The following ABCB5 variants were observed in gnomAD, a reference collection of about 807,000 sequenced individuals.
The protein encoded by ABCB5 is ATP-binding cassette sub-family B member 5.
Under a neutral mutation model 144.2 loss-of-function variants are expected in ABCB5, and 155 were observed. The ratio of observed to expected loss-of-function variants is 1.08; its 90% CI spans 0.94 to 1.23. The LOEUF is 1.23. ABCB5 is among the 50% of genes most tolerant of loss of function. The pLI is 0.00. For missense variants in ABCB5, 1,830 were observed against 1,520.8 expected (o/e 1.20, Z -3.38); for synonymous variants, 610 against 528.6 (o/e 1.15, Z -2.11).
chr7:20,651,602 T>C lies in ABCB5; in HGVS notation c.1515T>C (p.Asp505=). The C allele has an allele frequency of 6.2e-7, 1 of 1,614,082 alleles. No homozygotes were observed. Among genetic ancestry groups the C allele is most frequent in the Non-Finnish European group, 8.5e-7 (1 of 1,179,972 alleles). Residue 505 remains aspartate (D), a synonymous_variant, in exon 13 of 28, where the codon GAT becomes GAC. Transcript: ENST00000404938. The part of the protein sequence containing the change: ...ERAAREANAY[D]FIMEFPNKFN... The stretch of plus-strand genomic sequence containing the variant: ...CAGCAAGGGAAGCAAATGCGTATGA[T>C]TTTATCATGGAGTTTCCTAATGTGA...
chr7:20,721,732 A>G (rs1175671510), intron 20 of ABCB5, among the ~76,000 whole-genome samples: 1 of 152,210 alleles, frequency 6.6e-6, no homozygotes, highest in Non-Finnish European at 1.5e-5. Flanking sequence ...ATATACAAAA[A>G]TCTCATTTTT....
At position 20,711,854 on chromosome 7, in the gene ABCB5, TTTCTTTCC is replaced by T. The variant is rs1273213018; in HGVS notation, c.2421+7051_2421+7058del. On this transcript the variant is annotated intron_variant, in intron 20 of 27. Transcript: ENST00000404938. ...TTTCTTTCTTTCTTTCTTTTCTTTC[TTTCTTTCC>T]TTCCTCCCTCCCTCCCTCCCTCCCT... Among the ~76,000 whole-genome samples the T allele has an allele frequency of 3.9e-3, 293 of 75,196 alleles. 43 individuals are homozygous for T. Among genetic ancestry groups the T allele is most frequent in the African/African-American group, 0.015 (261 of 17,616 alleles). 49.3% of individuals were successfully genotyped at this position (75,196 alleles called of 152,430 possible).
chr7:20,643,590 C>A lies in ABCB5; in HGVS notation c.636C>A (p.Ser212=), dbSNP rs1477429166. The change falls in exon 7 of 28, where the codon TCC becomes TCA. Residue 212 remains serine, a synonymous_variant. Coordinates refer to ENST00000404938, the MANE Select transcript of ABCB5 (RefSeq NM_001163941.2). ...KGWKLTLVTL[S]TSPLIMASAA... is the part of the protein sequence containing the mutation. ...GGAAACTCACCCTAGTGACTCTATCCACGTCTCCTCTTATAATGGCTTCAG... is the reference window on the plus strand; with the variant it reads ...GGAAACTCACCCTAGTGACTCTATCAACGTCTCCTCTTATAATGGCTTCAG... 6.2e-7 allele frequency: 1 copy of A among 1,613,926 alleles called. No homozygotes were observed. The highest frequency in any genetic ancestry group is 8.5e-7 in the Non-Finnish European group (1 of 1,179,882).
In ABCB5 at chr7:20,738,549, C is replaced by T. The variant is rs146634903; in HGVS notation, c.2868-434C>T. On this transcript the variant is annotated intron_variant, in intron 23 of 27. Coordinates refer to ENST00000404938, the MANE Select transcript of ABCB5 (RefSeq NM_001163941.2). The stretch of plus-strand genomic sequence containing the variant: ...AGTCATTTAGCTTCAGTTATCTGTC[C>T]TAACTACATTATATGCAAAACAAAC... Among the ~76,000 whole-genome samples the T allele has an allele frequency of 9.7e-3, 1,470 of 152,230 alleles. 14 individuals carry two copies. The highest frequency in any genetic ancestry group is 0.031 in the Middle Eastern group (9 of 294).
At chr7:20,734,469 A>T (rs1782321337) in intron 23 of ABCB5, among the ~76,000 whole-genome samples, 1 of 150,642 alleles carries the variant, frequency 6.6e-6, no homozygotes, top group East Asian at 1.9e-4. Context: ...CATTTTATCA[A>T]ACATTCCAGA....
intron 5 of ABCB5, among the ~76,000 whole-genome samples, chr7:20,634,656 G>C (rs908406908): frequency 1.3e-5 from 2 of 152,226 alleles, no homozygotes; most frequent in African/African-American, 4.8e-5. Context: ...TACTGAGGTT[G>C]AGCATTTTTT....
At chr7:20,720,672 G>A (rs549221904) in intron 20 of ABCB5, among the ~76,000 whole-genome samples, 12 of 152,108 alleles carry the variant, frequency 7.9e-5, no homozygotes, top group African/African-American at 1.7e-4. Flanking sequence ...GAGGCCAGGC[G>A]CGGTGGCTCA....
intron 3 of ABCB5, 65 bp downstream of exon 3, chr7:20,626,676 G>A: frequency 7.6e-7 from 1 of 1,319,330 alleles, no homozygotes. Flanking sequence ...GTAGTGCATA[G>A]AAGATTGTGT....
chr7:20,644,404 T>C (rs1029562826), intron 7 of ABCB5, among the ~76,000 whole-genome samples: 2 of 152,202 alleles, frequency 1.3e-5, no homozygotes, highest in Non-Finnish European at 2.9e-5. Context: ...AGTAAGGCTT[T>C]CAATTACATT....
chr7:20,751,635 C>A (rs937302776), intron 26 of ABCB5, among the ~76,000 whole-genome samples: 1 of 152,140 alleles, frequency 6.6e-6, no homozygotes, highest in African/African-American at 2.4e-5. Context: ...ACAATTTAAG[C>A]TAGGCTGGCA....
At chr7:20,725,817 G>C (rs1380658126) in intron 21 of ABCB5, among the ~76,000 whole-genome samples, 4 of 151,820 alleles carry the variant, frequency 2.6e-5, no homozygotes, top group Non-Finnish European at 5.9e-5. Flanking sequence ...CATATACTAT[G>C]GAATGTTACA....
chr7:20,732,181 A>C (rs775459468), intron 23 of ABCB5, among the ~76,000 whole-genome samples: 25 of 152,020 alleles, frequency 1.6e-4, no homozygotes, highest in Non-Finnish European at 3.2e-4. Flanking sequence ...GGGTCTTCAC[A>C]CTTGCTATTC....
At chr7:20,730,401 T>C (rs1283413408) in intron 23 of ABCB5, among the ~76,000 whole-genome samples, 1 of 152,078 alleles carries the variant, frequency 6.6e-6, no homozygotes, top group African/African-American at 2.4e-5. Flanking sequence ...CCCAGCTACT[T>C]GGGAGGCTGA....
At chr7:20,624,156 G>A (rs1202870213) in intron 2 of ABCB5, among the ~76,000 whole-genome samples, 1 of 152,168 alleles carries the variant, frequency 6.6e-6, no homozygotes, top group African/African-American at 2.4e-5. Flanking sequence ...CCAGCATCCT[G>A]GTGTAAGGGG....
chr7:20,660,346 T>C (rs1182834114), intron 14 of ABCB5: 5 of 985,440 alleles, frequency 5.1e-6, no homozygotes, highest in Non-Finnish European at 4.8e-6. Context: ...TTACTGTCCC[T>C]GTTTTTCAGT....
At chr7:20,685,103 G>T (rs1278307155) in intron 15 of ABCB5, among the ~76,000 whole-genome samples, 3 of 152,118 alleles carry the variant, frequency 2.0e-5, no homozygotes, top group Non-Finnish European at 4.4e-5. Context: ...CGCACGTCTC[G>T]GTTTCCCAAA....
intron 14 of ABCB5, among the ~76,000 whole-genome samples, chr7:20,665,249 G>C (rs939237196): frequency 6.6e-6 from 1 of 152,116 alleles, no homozygotes; most frequent in Non-Finnish European, 1.5e-5. Flanking sequence ...CAACGAGCAG[G>C]TGAGTCACCC....
At chr7:20,625,821 C>T (rs1783896299) in intron 2 of ABCB5, among the ~76,000 whole-genome samples, 2 of 152,136 alleles carry the variant, frequency 1.3e-5, no homozygotes, top group Non-Finnish European at 2.9e-5. Context: ...GAATTAAAAC[C>T]AGTGAGTTGA....
chr7:20,724,424 T>G (rs944410232), intron 21 of ABCB5, among the ~76,000 whole-genome samples: 2 of 151,872 alleles, frequency 1.3e-5, no homozygotes, highest in Non-Finnish European at 2.9e-5. Flanking sequence ...GGTCAGGAGT[T>G]TGAAACCAGC....
Sources: gnomAD v4.1 joint callset for allele counts (sites outside exome capture counted in the v4.1 genomes callset) on GRCh38, gnomAD v4.1.1 for gene constraint, MANE v1.5 for transcripts, NCBI Gene and HGNC (gene_info 2026-07-23, HGNC 2026-07-21) for gene names.